The following CNTLN variants were observed in gnomAD, a reference collection of about 807,000 sequenced individuals.
CNTLN encodes centlein, centrosomal protein.
Under a neutral mutation model 180.0 loss-of-function variants are expected in CNTLN, and 212 were observed. The ratio of observed to expected loss-of-function variants is 1.18; its 90% CI spans 1.05 to 1.32. The LOEUF is 1.32. CNTLN is among the 40% of genes most tolerant of loss of function. CNTLN has a pLI of 0.00. For synonymous variants in CNTLN, 722 were observed against 563.1 expected, an observed-to-expected ratio of 1.28 and a Z score of -3.99; for missense variants, 2,095 against 1,610.9, an observed-to-expected ratio of 1.30 and a Z score of -5.14.
At chr9:17,279,898 G>A (rs570348410) in intron 6 of CNTLN, among the ~76,000 whole-genome samples, 30 of 149,424 alleles carry the variant, frequency 2.0e-4, no homozygotes, top group Non-Finnish European at 4.3e-4. Context: ...GTATTAATGG[G>A]TTATTATGGG....
chr9:17,219,641 A>C (rs1466937046), intron 2 of CNTLN, among the ~76,000 whole-genome samples: 1 of 152,036 alleles, frequency 6.6e-6, no homozygotes, highest in African/African-American at 2.4e-5. Flanking sequence ...CACTCAGATT[A>C]ATCTACTGGG....
At chr9:17,392,366 A>G (rs1482698848) in intron 14 of CNTLN, among the ~76,000 whole-genome samples, 1 of 152,214 alleles carries the variant, frequency 6.6e-6, no homozygotes, top group African/African-American at 2.4e-5. Flanking sequence ...GTATTTTAAA[A>G]TATATTTATG....
At chr9:17,492,929 G>C (rs528430870) in intron 25 of CNTLN, among the ~76,000 whole-genome samples, 2 of 152,264 alleles carry the variant, frequency 1.3e-5, no homozygotes, top group African/African-American at 4.8e-5. Context: ...ACTGAAACAT[G>C]CTACAATATG....
chr9:17,420,546 A>G (rs371286297), intron 18 of CNTLN, among the ~76,000 whole-genome samples: 78 of 150,594 alleles, frequency 5.2e-4, no homozygotes, highest in African/African-American at 1.7e-3. Context: ...GTTCGTTTTA[A>G]TTTCATTTAT....
At chr9:17,350,664 A>G (rs188038626) in intron 12 of CNTLN, among the ~76,000 whole-genome samples, 51 of 152,216 alleles carry the variant, frequency 3.4e-4, no homozygotes, top group Admixed American at 2.9e-3. Flanking sequence ...GTGCCGATGG[A>G]TTAGGTTCCT....
intron 10 of CNTLN, among the ~76,000 whole-genome samples, chr9:17,336,628 A>G (rs1356185646): frequency 6.6e-6 from 1 of 152,224 alleles, no homozygotes; most frequent in African/African-American, 2.4e-5. Flanking sequence ...TAATTTTATA[A>G]GACTTATGTA....
chr9:17,312,553 A>ATT (rs56915301), intron 8 of CNTLN, among the ~76,000 whole-genome samples: 13 of 100,410 alleles, frequency 1.3e-4, no homozygotes, highest in East Asian at 2.7e-4. Flanking sequence ...AGCCCGGCTA[A>ATT]TTTTTTTTTT....
Position 17,135,084 on chromosome 9 carries a change from C to G in CNTLN, c.19C>G (p.Pro7Ala), listed in dbSNP as rs570389433. Residue 7 changes from proline (P) to alanine (A), a missense_variant, in exon 1 of 26, where the codon CCC becomes GCC. Coordinates refer to ENST00000380647, the MANE Select transcript of CNTLN (RefSeq NM_017738.4). ...CGCAGCCATGGCGGCGCGTTCGCCT[C>G]CCTCACCGCACCCTTCGCCCCCAGC... MAARSP[P>A]SPHPSPPARQ... 5.6e-6 allele frequency: 9 copies of G among 1,600,994 alleles called. No homozygotes were observed. The highest frequency in any genetic ancestry group is 1.1e-5 in the South Asian group (1 of 89,680).
At chr9:17,378,248 T>A (rs1319479902) in intron 13 of CNTLN, among the ~76,000 whole-genome samples, 1 of 152,144 alleles carries the variant, frequency 6.6e-6, no homozygotes, top group Non-Finnish European at 1.5e-5. Context: ...GGCACAATCT[T>A]GGCTCATTGC....
At position 17,242,574 on chromosome 9, in the gene CNTLN, G is replaced by C. The variant is rs112478728; in HGVS notation, c.849+5986G>C. On this transcript the variant is annotated intron_variant, in intron 5 of 25. Coordinates refer to ENST00000380647, the MANE Select transcript of CNTLN (RefSeq NM_017738.4). ...GATCTGCCCACTTCAGCCTCCCAAA[G>C]TGCTGGGATTACAGGCGTGAGCCAC... is the stretch of plus-strand genomic sequence containing the variant. 3.0e-3 allele frequency among the ~76,000 whole-genome samples: 455 copies of C among 152,284 alleles called. 4 individuals carry two copies. The highest frequency in any genetic ancestry group is 0.01 in the African/African-American group (431 of 41,552).
At chr9:17,402,171 C>G (rs1827031672) in intron 15 of CNTLN, among the ~76,000 whole-genome samples, 1 of 151,734 alleles carries the variant, frequency 6.6e-6, no homozygotes, top group African/African-American at 2.4e-5. Context: ...AAAGCTAGTA[C>G]TACTGGGAAG....
At chr9:17,288,207 G>A (rs1829120476) in intron 6 of CNTLN, among the ~76,000 whole-genome samples, 1 of 121,802 alleles carries the variant, frequency 8.2e-6, no homozygotes, top group East Asian at 2.7e-4. Flanking sequence ...GGTATGTTGT[G>A]TCTTTGTTCT....
chr9:17,273,263 C>T (rs907326185), intron 5 of CNTLN, among the ~76,000 whole-genome samples: 3 of 152,110 alleles, frequency 2.0e-5, no homozygotes, highest in African/African-American at 4.8e-5. Flanking sequence ...GAATTGAACA[C>T]GATCTGAGTC....
At chr9:17,231,916 G>A (rs959155011) in intron 3 of CNTLN, among the ~76,000 whole-genome samples, 1 of 145,082 alleles carries the variant, frequency 6.9e-6, no homozygotes, top group Non-Finnish European at 1.5e-5. Flanking sequence ...TTCATTTCAT[G>A]GCTTATCTGT....
chr9:17,296,631 AATC>A (rs1817959718), intron 6 of CNTLN, among the ~76,000 whole-genome samples: 1 of 152,138 alleles, frequency 6.6e-6, no homozygotes, highest in Non-Finnish European at 1.5e-5. Context: ...AAATGGCAGT[AATC>A]ATCATGCATG....
chr9:17,135,517 AC>A (rs1195694546), intron 1 of CNTLN, 92 bp downstream of exon 1: 12 of 1,429,774 alleles, frequency 8.4e-6, no homozygotes, highest in Non-Finnish European at 1.0e-5. Context: ...CTTGGGACCT[AC>A]CCCGCCCAGC....
At chr9:17,294,870 AGGGAGTGGGGGGAGGGGGGAGTG>A (rs1166064389) in intron 6 of CNTLN, among the ~76,000 whole-genome samples, 1 of 20,660 alleles carries the variant, frequency 4.8e-5, no homozygotes. Context: ...AGGAGGGCGG[AGGGAGTGGGGGGAGGGGGGAGTG>A]GGGAGTGGGG....
chr9:17,231,962 C>A (rs566056575), intron 3 of CNTLN, among the ~76,000 whole-genome samples: 9 of 152,028 alleles, frequency 5.9e-5, no homozygotes, highest in Non-Finnish European at 7.4e-5. Flanking sequence ...TCTCTCTTGT[C>A]ATCCCTTATT....
At chr9:17,447,210 C>T in intron 18 of CNTLN, 1 of 216,808 alleles carries the variant, frequency 4.6e-6, no homozygotes, top group Non-Finnish European at 9.9e-6. Context: ...GTCTGCACTC[C>T]CATAGGAAAG....
Sources: gnomAD v4.1 joint callset for allele counts (sites outside exome capture counted in the v4.1 genomes callset) on GRCh38, gnomAD v4.1.1 for gene constraint, MANE v1.5 for transcripts, NCBI Gene and HGNC (gene_info 2026-07-23, HGNC 2026-07-21) for gene names.